WDR41: variants seen among roughly 807,000 people sequenced by gnomAD.
WDR41 encodes the protein WD repeat-containing protein 41.
WDR41 carries 63 observed loss-of-function variants against 69.3 expected under a neutral mutation model. The observed-to-expected ratio is 0.91, with a 90% confidence interval of 0.74 to 1.12. The LOEUF (loss-of-function observed/expected upper bound fraction) is 1.12, where lower values mean the gene tolerates loss of function less well. Ranked by LOEUF, WDR41 falls within the 50% of genes most tolerant of loss-of-function variation. The probability of loss-of-function intolerance (pLI) is 0.00; values close to 1 mark genes in which losing one functional copy is unlikely to be tolerated. For synonymous variants in WDR41, 185 were observed against 192.1 expected (o/e 0.96, Z 0.31); for missense variants, 543 against 534.5 (o/e 1.02, Z -0.16).
intron 1 of WDR41, among the ~76,000 whole-genome samples, chr5:77,598,994 G>C (rs1744276884): frequency 6.6e-6 from 1 of 151,972 alleles, no homozygotes; most frequent in Admixed American, 6.6e-5. Context: ...TAGACCTTTA[G>C]GGATGTGCAA....
In WDR41 at chr5:77,450,079, A is replaced by T. The variant is rs180896124; in HGVS notation, c.587-209T>A. On this transcript the variant is annotated intron_variant, in intron 7 of 12. Coordinates refer to ENST00000296679, the MANE Select transcript of WDR41 (RefSeq NM_018268.4). ...GATGATCTACTAAAACCCATACTGA[A>T]TGTGTCCTGAAGAACTCTCTTCCTT... 2.9e-3 allele frequency among the ~76,000 whole-genome samples: 437 copies of T among 152,298 alleles called. 4 individuals carry two copies. The highest frequency in any genetic ancestry group is 0.01 in the African/African-American group (426 of 41,556).
At chr5:77,547,322 A>G (rs549516585) in intron 1 of WDR41, among the ~76,000 whole-genome samples, 312 of 152,230 alleles carry the variant, frequency 2.0e-3, no homozygotes, top group Non-Finnish European at 3.4e-3. Flanking sequence ...GTAAAGAGGA[A>G]GTCAAGCTAT....
At chr5:77,527,561 C>T (rs562177571) in intron 1 of WDR41, among the ~76,000 whole-genome samples, 1 of 151,940 alleles carries the variant, frequency 6.6e-6, no homozygotes, top group Non-Finnish European at 1.5e-5. Flanking sequence ...TGATAGAATA[C>T]ACAGACTATA....
chr5:77,569,748 A>T (rs1743699315), intron 1 of WDR41, among the ~76,000 whole-genome samples: 1 of 152,214 alleles, frequency 6.6e-6, no homozygotes, highest in Non-Finnish European at 1.5e-5. Flanking sequence ...TACAGAAGTT[A>T]CTAAGGCAAG....
At chr5:77,577,375 G>A (rs1580021182) in intron 1 of WDR41, among the ~76,000 whole-genome samples, 1 of 117,400 alleles carries the variant, frequency 8.5e-6, no homozygotes, top group African/African-American at 3.2e-5. Context: ...TTTCAAAATA[G>A]GAAACAAGTA....
intron 1 of WDR41, among the ~76,000 whole-genome samples, chr5:77,589,402 A>G (rs1744096969): frequency 6.6e-6 from 1 of 152,108 alleles, no homozygotes. Flanking sequence ...GGGGTTTGAG[A>G]TTGCATTACA....
chr5:77,435,187 G>T (rs533225611), intron 12 of WDR41, among the ~76,000 whole-genome samples: 6 of 152,326 alleles, frequency 3.9e-5, no homozygotes, highest in African/African-American at 1.4e-4. Flanking sequence ...GGAAAGCAAA[G>T]ATAACTATGA....
intron 1 of WDR41, among the ~76,000 whole-genome samples, chr5:77,580,582 G>C (rs975398621): frequency 6.6e-6 from 1 of 151,704 alleles, no homozygotes; most frequent in East Asian, 1.9e-4. Context: ...AATCATGAAA[G>C]AAATGAAAAT....
intron 1 of WDR41, among the ~76,000 whole-genome samples, chr5:77,617,596 A>G (rs964974193): frequency 2.6e-5 from 4 of 152,196 alleles, no homozygotes; most frequent in Admixed American, 6.5e-5. Flanking sequence ...GAAGATATAT[A>G]CCGATATGGG....
At chr5:77,538,484 T>C (rs1016492709) in intron 1 of WDR41, among the ~76,000 whole-genome samples, 18 of 152,146 alleles carry the variant, frequency 1.2e-4, no homozygotes, top group African/African-American at 3.6e-4. Context: ...TTCCCCAGTG[T>C]CTATTGTTCC....
intron 2 of WDR41, among the ~76,000 whole-genome samples, chr5:77,467,934 G>T (rs1192370837): frequency 6.6e-6 from 1 of 151,052 alleles, no homozygotes; most frequent in Admixed American, 6.6e-5. Flanking sequence ...TATACTTCAG[G>T]TTTTTTCTTT....
chr5:77,575,595 C>T (rs1580019516), intron 1 of WDR41, among the ~76,000 whole-genome samples: 1 of 152,228 alleles, frequency 6.6e-6, no homozygotes, highest in South Asian at 2.1e-4. Flanking sequence ...TGCAGGTGTG[C>T]TCAGGTGTGC....
At position 77,438,485 on chromosome 5, in the gene WDR41, C is replaced by A. The variant is rs1200181281; in HGVS notation, c.883-124G>T. On this transcript the variant is annotated intron_variant, in intron 9 of 12. Transcript: ENST00000296679. The stretch of plus-strand genomic sequence containing the variant: ...CCTTTCCCATTCCTAGCCTTTAGCC[C>A]AAATTACAGTACTAATCTCTGAAAC... The A allele has an allele frequency of 1.9e-5, 25 of 1,341,200 alleles. No homozygotes were observed. The East Asian group carries it at 6.1e-4, about 33-fold the overall frequency. 83.1% of individuals were successfully genotyped at this position (1,341,200 alleles called of 1,614,324 possible). A position where few individuals can be genotyped will look rare whatever the true frequency, so the allele number is the denominator to read the frequency against.
intron 1 of WDR41, among the ~76,000 whole-genome samples, chr5:77,564,038 C>G (rs1291953494): frequency 6.6e-6 from 1 of 152,020 alleles, no homozygotes. Context: ...ATGTTCTCAT[C>G]TATAAAATAT....
chr5:77,454,230 T>C (rs1339380657), intron 5 of WDR41, among the ~76,000 whole-genome samples: 1 of 152,170 alleles, frequency 6.6e-6, no homozygotes, highest in Non-Finnish European at 1.5e-5. Context: ...GAAAGGTCCA[T>C]GTAGCAAAGA....
At chr5:77,449,933 G>T in intron 7 of WDR41, 63 bp from the exon 8 acceptor site, 1 of 1,091,702 alleles carries the variant, frequency 9.2e-7, no homozygotes. Context: ...TACTACTCCT[G>T]CTCTAAAAAC....
At chr5:77,485,176 T>A (rs1479310434) in intron 2 of WDR41, among the ~76,000 whole-genome samples, 1 of 152,172 alleles carries the variant, frequency 6.6e-6, no homozygotes, top group Non-Finnish European at 1.5e-5. Flanking sequence ...ATAAACCTAT[T>A]GCATGCTTAG....
At chr5:77,551,747 G>A (rs1743300139) in intron 1 of WDR41, among the ~76,000 whole-genome samples, 1 of 151,566 alleles carries the variant, frequency 6.6e-6, no homozygotes, top group Non-Finnish European at 1.5e-5. Context: ...GGAGGCCGAG[G>A]TGGGTGGATC....
At chr5:77,456,301 G>C (rs1018309596) in intron 5 of WDR41, among the ~76,000 whole-genome samples, 3 of 152,042 alleles carry the variant, frequency 2.0e-5, no homozygotes, top group Non-Finnish European at 4.4e-5. Flanking sequence ...AAGCCACCCC[G>C]CCCAGACTAA....
Sources: gnomAD v4.1 joint callset for allele counts (sites outside exome capture counted in the v4.1 genomes callset) on GRCh38, gnomAD v4.1.1 for gene constraint, MANE v1.5 for transcripts, NCBI Gene and HGNC (gene_info 2026-07-23, HGNC 2026-07-21) for gene names.